KCNH1: variants seen among roughly 807,000 people sequenced by gnomAD.
KCNH1 encodes the protein voltage-gated delayed rectifier potassium channel KCNH1.
Under a neutral mutation model 69.2 loss-of-function variants are expected in KCNH1, and 27 were observed. The ratio of observed to expected loss-of-function variants is 0.39; its 90% confidence interval spans 0.29 to 0.54. The LOEUF (loss-of-function observed/expected upper bound fraction) is 0.54, where lower values mean the gene tolerates loss of function less well. Ranked by LOEUF, KCNH1 falls within the 20% of genes least tolerant of loss-of-function variation. KCNH1 has a pLI of 0.68. For synonymous variants in KCNH1, 456 were observed against 487.7 expected (o/e 0.93, Z 0.86); for missense variants, 798 against 1,261.6 (o/e 0.63, Z 5.57).
At chr1:211,100,808 C>T (rs1691244035) in intron 3 of KCNH1, among the ~76,000 whole-genome samples, 1 of 152,236 alleles carries the variant, frequency 6.6e-6, no homozygotes, top group Admixed American at 6.5e-5. Flanking sequence ...GTCCTTGCTA[C>T]TCAGAGTGTG....
intron 7 of KCNH1, among the ~76,000 whole-genome samples, chr1:210,863,968 A>C (rs1186748442): frequency 1.2e-5 from 1 of 82,912 alleles, no homozygotes; most frequent in African/African-American, 7.6e-5. Context: ...GAGGGCAATT[A>C]GGAAACCTGC....
chr1:210,821,802 C>CTAT (rs1684934268), intron 7 of KCNH1, among the ~76,000 whole-genome samples: 1 of 142,450 alleles, frequency 7.0e-6, no homozygotes, highest in African/African-American at 2.6e-5. Flanking sequence ...TTAACTCCAG[C>CTAT]TATTTATTTA....
At chr1:210,817,961 C>T (rs1252572016) in intron 7 of KCNH1, among the ~76,000 whole-genome samples, 6 of 152,156 alleles carry the variant, frequency 3.9e-5, no homozygotes, top group Non-Finnish European at 7.4e-5. Context: ...GCTAGCAGCA[C>T]ATCCCAGTTG....
At chr1:210,738,553 T>C (rs1221568912) in intron 10 of KCNH1, among the ~76,000 whole-genome samples, 1 of 49,528 alleles carries the variant, frequency 2.0e-5, no homozygotes, top group Non-Finnish European at 4.2e-5. Flanking sequence ...GCTTTTTTGC[T>C]TTTTTTTTTT....
intron 1 of KCNH1, among the ~76,000 whole-genome samples, chr1:211,118,318 C>T (rs1228837022): frequency 6.6e-6 from 1 of 152,180 alleles, no homozygotes; most frequent in Non-Finnish European, 1.5e-5. Flanking sequence ...AAACCTGCCT[C>T]CAAATTTGTA....
intron 5 of KCNH1, among the ~76,000 whole-genome samples, chr1:211,036,871 G>C (rs1033531053): frequency 1.3e-5 from 2 of 152,148 alleles, no homozygotes; most frequent in African/African-American, 4.8e-5. Context: ...CCCAAAGGCA[G>C]ATGCTACTTC....
intron 5 of KCNH1, among the ~76,000 whole-genome samples, chr1:211,079,509 A>C (rs1319424935): frequency 6.6e-6 from 1 of 152,206 alleles, no homozygotes; most frequent in Non-Finnish European, 1.5e-5. Context: ...GCAGAAACAC[A>C]ACAAAAAAAG....
At chr1:211,039,075 G>A (rs1689947587) in intron 5 of KCNH1, among the ~76,000 whole-genome samples, 1 of 152,158 alleles carries the variant, frequency 6.6e-6, no homozygotes, top group African/African-American at 2.4e-5. Flanking sequence ...TTCATGGGCT[G>A]GGCCCAGGGT....
intron 1 of KCNH1, among the ~76,000 whole-genome samples, chr1:211,109,155 T>C (rs1277435883): frequency 5.3e-5 from 8 of 152,136 alleles, no homozygotes; most frequent in Non-Finnish European, 5.9e-5. Context: ...GAAATTAAAA[T>C]ATGGTCACTG....
At chr1:210,867,799 T>A (rs897249583) in intron 7 of KCNH1, among the ~76,000 whole-genome samples, 1 of 152,062 alleles carries the variant, frequency 6.6e-6, no homozygotes, top group Non-Finnish European at 1.5e-5. Context: ...TGGACTTTTT[T>A]ATAACTCAGG....
chr1:210,991,603 C>CCACA (rs67518284), intron 6 of KCNH1, among the ~76,000 whole-genome samples: 4,641 of 148,362 alleles, frequency 0.031, 178 homozygotes, highest in African/African-American at 0.097. Context: ...TCTGTTCTTG[C>CCACA]CACACACACA....
At chr1:210,752,299 T>C (rs1683300701) in intron 10 of KCNH1, among the ~76,000 whole-genome samples, 1 of 152,188 alleles carries the variant, frequency 6.6e-6, no homozygotes, top group African/African-American at 2.4e-5. Flanking sequence ...CCATAACTCC[T>C]TGGGTATCAC....
chr1:211,093,019 A>T (rs1012425713), intron 3 of KCNH1, among the ~76,000 whole-genome samples: 2 of 152,008 alleles, frequency 1.3e-5, no homozygotes, highest in Non-Finnish European at 2.9e-5. Context: ...TAATTTGATC[A>T]ATTAGTAATA....
chr1:210,776,164 G>T (rs558721575), intron 9 of KCNH1, among the ~76,000 whole-genome samples: 1 of 152,248 alleles, frequency 6.6e-6, no homozygotes, highest in African/African-American at 2.4e-5. Flanking sequence ...TCAGACAAGT[G>T]CAGAGTTCTC....
At chr1:210,987,132 C>T (rs1350909325) in intron 6 of KCNH1, among the ~76,000 whole-genome samples, 1 of 152,190 alleles carries the variant, frequency 6.6e-6, no homozygotes, top group East Asian at 1.9e-4. Flanking sequence ...TTTTCAGCTC[C>T]ATCAGGTCCT....
chr1:210,751,508 G>A (rs1044219768), intron 10 of KCNH1, among the ~76,000 whole-genome samples: 2 of 152,184 alleles, frequency 1.3e-5, no homozygotes, highest in Admixed American at 6.5e-5. Context: ...GGACTAAGGG[G>A]TTTCCCAGGA....
intron 5 of KCNH1, among the ~76,000 whole-genome samples, chr1:211,082,356 C>G (rs1025653718): frequency 6.6e-6 from 1 of 151,954 alleles, no homozygotes; most frequent in African/African-American, 2.4e-5. Flanking sequence ...ATGCACACAC[C>G]AAAAAAATGT....
chr1:211,127,497 T>C (rs1691798558), intron 1 of KCNH1, among the ~76,000 whole-genome samples: 1 of 152,022 alleles, frequency 6.6e-6, no homozygotes, highest in Non-Finnish European at 1.5e-5. Context: ...TGTACAAGTC[T>C]TTCGCATCAT....
chr1:210,948,058 A>AG (rs1687991930), intron 6 of KCNH1, among the ~76,000 whole-genome samples: 1 of 151,114 alleles, frequency 6.6e-6, no homozygotes, highest in African/African-American at 2.4e-5. Flanking sequence ...AAAAAAAAAA[A>AG]AGGAAAAAAT....
Sources: gnomAD v4.1 joint callset for allele counts (sites outside exome capture counted in the v4.1 genomes callset) on GRCh38, gnomAD v4.1.1 for gene constraint, MANE v1.5 for transcripts, NCBI Gene and HGNC (gene_info 2026-07-23, HGNC 2026-07-21) for gene names.